Variants in DCC observed in about 807,000 individuals in gnomAD.
DCC encodes DCC netrin 1 receptor, also known as netrin receptor DCC.
DCC carries 58 observed loss-of-function variants against 172.5 expected under a neutral mutation model. That is an observed-to-expected ratio of 0.34 (90% CI 0.27 to 0.42). The LOEUF is 0.42. Among genes scored for constraint, DCC ranks in the 10% least tolerant of loss-of-function variants. DCC has a pLI of 1.00. For missense variants in DCC, 1,740 were observed against 1,791.0 expected (o/e 0.97, Z 0.51); for synonymous variants, 709 against 644.5 (o/e 1.10, Z -1.52).
rs1481126004 is a variant in DCC, at chr18:53,015,586, C to CT, written c.986-47712dup. 5.3e-5 allele frequency among the ~76,000 whole-genome samples: 8 copies of CT among 152,170 alleles called. No individual in the cohort carries two copies. In the East Asian group the frequency reaches 7.7e-4, roughly 15 times the overall value. On this transcript the variant is annotated intron_variant, in intron 5 of 28. Coordinates refer to ENST00000442544, the MANE Select transcript of DCC (RefSeq NM_005215.4). ...TTTATGTTCTACCATAAGGAAATCT[C>CT]TTTTTTTCTTCAGCTTAGAAGAGGT... is the stretch of plus-strand genomic sequence containing the variant.
chr18:53,307,524 T>C (rs1276162993), intron 13 of DCC, among the ~76,000 whole-genome samples: 1 of 152,052 alleles, frequency 6.6e-6, no homozygotes, highest in Admixed American at 6.6e-5. Flanking sequence ...ACATAGAGAT[T>C]TGAAGCCTCA....
chr18:53,325,834 C>G (rs2057462276), intron 14 of DCC, among the ~76,000 whole-genome samples: 1 of 152,084 alleles, frequency 6.6e-6, no homozygotes, highest in Non-Finnish European at 1.5e-5. Context: ...GCAAGAACAG[C>G]TCTATTGAGA....
At chr18:53,501,737 A>T (rs1275990367) in intron 27 of DCC, among the ~76,000 whole-genome samples, 1 of 152,188 alleles carries the variant, frequency 6.6e-6, no homozygotes, top group Admixed American at 6.5e-5. Context: ...TTAAATGAAA[A>T]ATTTTACTGC....
At chr18:52,733,210 T>C (rs1468592661) in intron 1 of DCC, among the ~76,000 whole-genome samples, 1 of 152,178 alleles carries the variant, frequency 6.6e-6, no homozygotes, top group Non-Finnish European at 1.5e-5. Flanking sequence ...CTCCCATGCC[T>C]CATTCTGCCA....
chr18:52,676,970 G>GT (rs1043844784), intron 1 of DCC, among the ~76,000 whole-genome samples: 2 of 151,852 alleles, frequency 1.3e-5, no homozygotes, highest in Non-Finnish European at 2.9e-5. Context: ...TGATATCTTT[G>GT]TTTTTTTTCC....
At chr18:52,456,618 C>T (rs1051586663) in intron 1 of DCC, among the ~76,000 whole-genome samples, 1 of 152,118 alleles carries the variant, frequency 6.6e-6, no homozygotes, top group Non-Finnish European at 1.5e-5. Context: ...CAATGTATGA[C>T]ATGATTTTAA....
chr18:52,692,971 G>T (rs1568045526), intron 1 of DCC, among the ~76,000 whole-genome samples: 1 of 152,120 alleles, frequency 6.6e-6, no homozygotes, highest in African/African-American at 2.4e-5. Flanking sequence ...TGATATAGAA[G>T]CCAGGAGAGT....
chr18:52,448,573 C>A (rs1157440674), intron 1 of DCC, among the ~76,000 whole-genome samples: 1 of 151,932 alleles, frequency 6.6e-6, no homozygotes, highest in Non-Finnish European at 1.5e-5. Flanking sequence ...TTTATCTGCC[C>A]AGAACCGATT....
chr18:53,150,992 C>A (rs1334224748), intron 7 of DCC, among the ~76,000 whole-genome samples: 1 of 152,194 alleles, frequency 6.6e-6, no homozygotes, highest in East Asian at 1.9e-4. Flanking sequence ...GCAAATGCAT[C>A]CTGGAGGGTC....
At chr18:53,057,079 TAAAA>T (rs11316527) in intron 5 of DCC, among the ~76,000 whole-genome samples, 2 of 89,314 alleles carry the variant, frequency 2.2e-5, no homozygotes, top group Non-Finnish European at 2.1e-5. Context: ...CTTCTAAAAG[TAAAA>T]AAAAAAAAAA....
chr18:53,184,487 A>C (rs924788375), intron 9 of DCC, among the ~76,000 whole-genome samples: 1 of 152,110 alleles, frequency 6.6e-6, no homozygotes, highest in South Asian at 2.1e-4. Flanking sequence ...CACCTAGGCT[A>C]TATGGTATAG....
intron 2 of DCC, among the ~76,000 whole-genome samples, chr18:52,838,382 C>T (rs927625757): frequency 6.6e-6 from 1 of 152,016 alleles, no homozygotes; most frequent in Non-Finnish European, 1.5e-5. Context: ...TGGTGACTAA[C>T]AGATTTTTAC....
chr18:53,530,215 A>G lies in DCC; in HGVS notation c.4255-349A>G, dbSNP rs1382682553. ...AATAGCCTATGAAATAGATGTCATT[A>G]TCATTTTATAGATGAAGAAAATTAC... is the stretch of plus-strand genomic sequence containing the variant. On this transcript the variant is annotated intron_variant, in intron 28 of 28. Coordinates refer to ENST00000442544, the MANE Select transcript of DCC (RefSeq NM_005215.4). 4.6e-6 allele frequency: 3 copies of G among 648,582 alleles called. No homozygotes were observed. The African/African-American group carries it at 5.4e-5, about 12-fold the overall frequency. 40.2% of individuals were successfully genotyped at this position (648,582 alleles called of 1,614,324 possible).
At chr18:52,349,474 G>A (rs951505196) in intron 1 of DCC, among the ~76,000 whole-genome samples, 3 of 152,164 alleles carry the variant, frequency 2.0e-5, no homozygotes, top group Admixed American at 1.3e-4. Context: ...CATGTTTAAT[G>A]TCTGGGCAGA....
At chr18:52,740,818 T>C (rs1436764973) in intron 1 of DCC, among the ~76,000 whole-genome samples, 1 of 152,228 alleles carries the variant, frequency 6.6e-6, no homozygotes, top group African/African-American at 2.4e-5. Context: ...TGTTTCAGTC[T>C]GTGATAAACT....
intron 14 of DCC, among the ~76,000 whole-genome samples, chr18:53,324,138 C>A (rs1040861207): frequency 6.6e-6 from 1 of 152,052 alleles, no homozygotes; most frequent in Non-Finnish European, 1.5e-5. Context: ...CAAACCCAGG[C>A]AATGACTTTA....
At position 53,277,707 on chromosome 18, in the gene DCC, C is replaced by G. The variant is rs548113239; in HGVS notation, c.1912-27871C>G. Among the ~76,000 whole-genome samples, 8 of 152,198 alleles carry G rather than the reference C, an allele frequency of 5.3e-5. No homozygotes were observed. In the South Asian group the frequency reaches 1.5e-3, roughly 28 times the overall value. On this transcript the variant is annotated intron_variant, in intron 12 of 28. Transcript: ENST00000442544. The stretch of plus-strand genomic sequence containing the variant: ...CCTTTGATCATTTGGAGAAATAAAG[C>G]CCTCGCTGTACAGAAAAGCTCAGCT...
intron 1 of DCC, among the ~76,000 whole-genome samples, chr18:52,717,321 C>T (rs2036398513): frequency 6.6e-6 from 1 of 151,954 alleles, no homozygotes; most frequent in Non-Finnish European, 1.5e-5. Flanking sequence ...TATAAATCAG[C>T]AGCTCAGGTT....
intron 1 of DCC, among the ~76,000 whole-genome samples, chr18:52,488,114 G>A (rs1215577882): frequency 6.6e-6 from 1 of 152,080 alleles, no homozygotes; most frequent in Non-Finnish European, 1.5e-5. Flanking sequence ...ACTTTAAAAG[G>A]AAAGAAACAA....
Sources: gnomAD v4.1 joint callset for allele counts (sites outside exome capture counted in the v4.1 genomes callset) on GRCh38, gnomAD v4.1.1 for gene constraint, MANE v1.5 for transcripts, NCBI Gene and HGNC (gene_info 2026-07-23, HGNC 2026-07-21) for gene names.